ENTREP1: variants seen among roughly 807,000 people sequenced by gnomAD.
The protein encoded by ENTREP1 is Friedreich ataxia region gene X123.
the ENTREP1 span, among the ~76,000 whole-genome samples, chr9:69,340,641 A>ATGTGTGTGTGCATG: frequency 1.4e-4 from 6 of 44,254 alleles, no homozygotes; most frequent in South Asian, 6.0e-4. Flanking sequence ...GTGTGCGTGC[A>ATGTGTGTGTGCATG]TGTGTGTGTG....
chr9:69,329,634 T>G, the ENTREP1 span: 3 of 985,346 alleles, frequency 3.0e-6, no homozygotes, highest in Non-Finnish European at 3.6e-6. Context: ...AATATATTAT[T>G]ATTCCCAAAA....
the ENTREP1 span, among the ~76,000 whole-genome samples, chr9:69,376,930 A>T: frequency 6.6e-6 from 1 of 152,248 alleles, no homozygotes; most frequent in African/African-American, 2.4e-5. Context: ...ATTGCTCTTG[A>T]AATAGAATTA....
the ENTREP1 span, among the ~76,000 whole-genome samples, chr9:69,326,158 G>C: frequency 6.6e-5 from 10 of 152,254 alleles, no homozygotes; most frequent in South Asian, 4.2e-4. Flanking sequence ...GCACATAGTA[G>C]GTGTATTTGT....
chr9:69,325,297 TC>T, the ENTREP1 span: 2 of 1,169,994 alleles, frequency 1.7e-6, no homozygotes, highest in Non-Finnish European at 2.1e-6. Context: ...GCCGCACCCT[TC>T]CCCGTCCGTC....
At chr9:69,346,692 T>G in the ENTREP1 span, among the ~76,000 whole-genome samples, 1 of 152,228 alleles carries the variant, frequency 6.6e-6, no homozygotes, top group Non-Finnish European at 1.5e-5. Context: ...TAATGGCATT[T>G]ATTAGATTCT....
chr9:69,365,627 T>C, the ENTREP1 span, among the ~76,000 whole-genome samples: 3 of 152,134 alleles, frequency 2.0e-5, no homozygotes, highest in Non-Finnish European at 4.4e-5. Context: ...TTCTATCTAA[T>C]TGTGTTTGTA....
At chr9:69,362,132 T>G in the ENTREP1 span, among the ~76,000 whole-genome samples, 1 of 152,042 alleles carries the variant, frequency 6.6e-6, no homozygotes, top group Middle Eastern at 3.2e-3. Flanking sequence ...ACCTGCACAG[T>G]GGGTTTAAGT....
At chr9:69,324,787 T>G in the ENTREP1 span, 1 of 985,048 alleles carries the variant, frequency 1.0e-6, no homozygotes, top group Non-Finnish European at 1.2e-6. Flanking sequence ...CCCTTCTCAC[T>G]AAAGCGCGCC....
the ENTREP1 span, chr9:69,391,740 C>A: frequency 4.3e-6 from 7 of 1,613,834 alleles, no homozygotes; most frequent in Non-Finnish European, 5.9e-6. Flanking sequence ...GAGAGGAGGC[C>A]CCGGCGAGTG....
chr9:69,368,417 T>C, the ENTREP1 span, among the ~76,000 whole-genome samples: 2 of 152,200 alleles, frequency 1.3e-5, no homozygotes, highest in Admixed American at 1.3e-4. Context: ...GATCATGTGC[T>C]TTTTGTCCTT....
chr9:69,379,764 G>C, the ENTREP1 span: 3 of 152,210 alleles, frequency 2.0e-5, no homozygotes, highest in Middle Eastern at 3.1e-3. Context: ...CCTAGGAGGA[G>C]GCAGCAGACA....
the ENTREP1 span, chr9:69,391,762 G>A: frequency 6.2e-7 from 1 of 1,612,828 alleles, no homozygotes; most frequent in Non-Finnish European, 8.5e-7. Context: ...AGGCTGAGCG[G>A]CCACACAGCC....
At chr9:69,375,945 G>C in the ENTREP1 span, 1 of 1,453,960 alleles carries the variant, frequency 6.9e-7, no homozygotes, top group Non-Finnish European at 9.4e-7. Flanking sequence ...AAATATTCCT[G>C]TTCTATTACC....
chr9:69,351,277 A>G, the ENTREP1 span, among the ~76,000 whole-genome samples: 1 of 152,268 alleles, frequency 6.6e-6, no homozygotes, highest in East Asian at 1.9e-4. Context: ...AAGTTACATG[A>G]AGTTATGTCT....
the ENTREP1 span, among the ~76,000 whole-genome samples, chr9:69,326,967 C>T: frequency 1.8e-4 from 27 of 147,634 alleles, no homozygotes; most frequent in African/African-American, 5.5e-4. Context: ...ATGGTAAGAA[C>T]GGCTTTTGCA....
At chr9:69,340,803 G>GCA in the ENTREP1 span, among the ~76,000 whole-genome samples, 463 of 58,250 alleles carry the variant, frequency 7.9e-3, 4 homozygotes, top group African/African-American at 0.029. Context: ...GTGTGTGCAT[G>GCA]TGTGTGTGTA....
chr9:69,389,427 ACT>A, the ENTREP1 span, among the ~76,000 whole-genome samples: 32 of 151,986 alleles, frequency 2.1e-4, no homozygotes, highest in African/African-American at 6.5e-4. Flanking sequence ...CAGAAGCCAA[ACT>A]CTCTCCCAGT....
the ENTREP1 span, among the ~76,000 whole-genome samples, chr9:69,352,151 C>T: frequency 6.6e-6 from 1 of 151,940 alleles, no homozygotes; most frequent in Non-Finnish European, 1.5e-5. Context: ...GAGTCTTTCT[C>T]TGTTGCCCAG....
the ENTREP1 span, chr9:69,336,199 G>C: frequency 6.8e-7 from 1 of 1,462,552 alleles, no homozygotes; most frequent in African/African-American, 1.4e-5. Context: ...ATTTATGATA[G>C]TTTATCCTTA....
Sources: allele counts gnomAD v4.1 joint callset (sites outside exome capture counted in the v4.1 genomes callset), GRCh38; gene constraint gnomAD v4.1.1; transcripts MANE v1.5; gene names NCBI Gene and HGNC (gene_info 2026-07-23, HGNC 2026-07-21).